RANBP17: variants seen among roughly 807,000 people sequenced by gnomAD.
RANBP17 encodes RAN binding protein 17, also known as ran-binding protein 17.
In RANBP17, 158 loss-of-function variants were observed where a neutral mutation model predicts 141.2. The ratio of observed to expected loss-of-function variants is 1.12; its 90% CI spans 0.98 to 1.28. RANBP17 has a LOEUF of 1.28. Ranked by LOEUF, RANBP17 falls within the 50% of genes most tolerant of loss-of-function variation. The pLI is 0.00. For missense variants in RANBP17, 1,438 were observed against 1,290.7 expected, an observed-to-expected ratio of 1.11 and a Z score of -1.75; for synonymous variants, 430 against 450.0, an observed-to-expected ratio of 0.96 and a Z score of 0.56.
At chr5:171,198,077 A>G (rs1762081443) in intron 18 of RANBP17, among the ~76,000 whole-genome samples, 1 of 152,212 alleles carries the variant, frequency 6.6e-6, no homozygotes, top group Non-Finnish European at 1.5e-5. Flanking sequence ...ATCCAAAGGG[A>G]GAAGGGAGAT....
intron 14 of RANBP17, among the ~76,000 whole-genome samples, chr5:171,012,569 T>G (rs1222647827): frequency 6.6e-6 from 1 of 152,124 alleles, no homozygotes; most frequent in Non-Finnish European, 1.5e-5. Flanking sequence ...GCAAAGTATC[T>G]CTTCATCTTT....
chr5:171,187,798 A>G (rs1003153800), intron 18 of RANBP17, among the ~76,000 whole-genome samples: 5 of 152,178 alleles, frequency 3.3e-5, no homozygotes, highest in African/African-American at 1.2e-4. Flanking sequence ...CCCATTTCTC[A>G]TATTTGAATA....
chr5:170,865,655 T>G (rs1767191495), intron 1 of RANBP17, among the ~76,000 whole-genome samples: 1 of 152,184 alleles, frequency 6.6e-6, no homozygotes, highest in African/African-American at 2.4e-5. Flanking sequence ...GGGAGGACTT[T>G]ATGACAAATT....
chr5:170,975,629 T>C (rs934610557), intron 14 of RANBP17, among the ~76,000 whole-genome samples: 2 of 152,244 alleles, frequency 1.3e-5, no homozygotes, highest in Admixed American at 6.5e-5. Flanking sequence ...TCTAGGTTCT[T>C]TGCCACTTTT....
At chr5:171,273,401 T>G (rs1232803188) in intron 25 of RANBP17, among the ~76,000 whole-genome samples, 1 of 152,130 alleles carries the variant, frequency 6.6e-6, no homozygotes, top group Non-Finnish European at 1.5e-5. Context: ...TGTCACAAAC[T>G]AAGATGCCTG....
intron 14 of RANBP17, among the ~76,000 whole-genome samples, chr5:171,154,235 A>G (rs1758698018): frequency 6.6e-6 from 1 of 151,798 alleles, no homozygotes; most frequent in Admixed American, 6.6e-5. Context: ...ACTACCTGCT[A>G]TTTCCACTGT....
chr5:171,174,751 A>AGTGAGT (rs1554110446), intron 16 of RANBP17, among the ~76,000 whole-genome samples: 16 of 135,622 alleles, frequency 1.2e-4, no homozygotes, highest in Admixed American at 9.8e-4. Context: ...AAATATCTAG[A>AGTGAGT]GTGTGTGTGT....
At chr5:170,933,379 A>AT (rs376853908) in intron 12 of RANBP17, among the ~76,000 whole-genome samples, 4,666 of 151,912 alleles carry the variant, frequency 0.031, 110 homozygotes, top group Non-Finnish European at 0.05. Context: ...GGATTCATTG[A>AT]TTTTTTTGAA....
chr5:171,184,749 A>G (rs1215076457), intron 18 of RANBP17, among the ~76,000 whole-genome samples: 1 of 152,242 alleles, frequency 6.6e-6, no homozygotes, highest in Admixed American at 6.5e-5. Context: ...AAAGTGATAC[A>G]GTAAAGCAAG....
intron 25 of RANBP17, among the ~76,000 whole-genome samples, chr5:171,273,870 TTTTAC>T: frequency 6.6e-6 from 1 of 152,174 alleles, no homozygotes; most frequent in Admixed American, 6.5e-5. Context: ...GTTATTTTGA[TTTTAC>T]TTAATCTGGG....
chr5:171,168,064 A>C (rs1237387245), intron 14 of RANBP17, among the ~76,000 whole-genome samples: 1 of 152,168 alleles, frequency 6.6e-6, no homozygotes, highest in Non-Finnish European at 1.5e-5. Context: ...CACTTGACAC[A>C]TATTGCCCTA....
chr5:171,286,185 T>C (rs897019386), intron 25 of RANBP17, among the ~76,000 whole-genome samples: 6 of 152,162 alleles, frequency 3.9e-5, no homozygotes, highest in African/African-American at 1.4e-4. Flanking sequence ...ATGCTTTTAG[T>C]TGAGATGTGG....
chr5:171,172,695 A>T (rs1425805266), intron 16 of RANBP17, among the ~76,000 whole-genome samples: 1 of 151,892 alleles, frequency 6.6e-6, no homozygotes, highest in Non-Finnish European at 1.5e-5. Flanking sequence ...TATAGCATAT[A>T]TCTATTGTTT....
At chr5:171,215,249 G>A (rs1472647008) in intron 21 of RANBP17, among the ~76,000 whole-genome samples, 1 of 152,004 alleles carries the variant, frequency 6.6e-6, no homozygotes, top group African/African-American at 2.4e-5. Flanking sequence ...CTTTTTTTAT[G>A]GCTGCATAGT....
rs1387663704 is a variant in RANBP17, at chr5:170,955,582, G to GTGTA, written c.1574+1881_1574+1882insGTAT. ...ATATATATATATGCTCAGTCTGTGT[G>GTGTA]TATATATATATATATATATATATAT... On this transcript the variant is annotated intron_variant, in intron 13 of 27. Coordinates refer to ENST00000523189, the MANE Select transcript of RANBP17 (RefSeq NM_022897.5). Among the ~76,000 whole-genome samples, 131 of 41,666 alleles carry GTGTA rather than the reference G, an allele frequency of 3.1e-3. 8 individuals are homozygous for GTGTA. Among genetic ancestry groups the GTGTA allele is most frequent in the African/African-American group, 0.012 (121 of 10,476 alleles). 27.3% of individuals were successfully genotyped at this position (41,666 alleles called of 152,430 possible).
intron 24 of RANBP17, among the ~76,000 whole-genome samples, chr5:171,250,850 A>C (rs2128003628): frequency 6.6e-6 from 1 of 152,328 alleles, no homozygotes; most frequent in Admixed American, 6.5e-5. Flanking sequence ...AAAATGACTA[A>C]ATTTGAAGAG....
chr5:170,889,933 CATG>C (rs1166828320), intron 3 of RANBP17, among the ~76,000 whole-genome samples: 1 of 152,144 alleles, frequency 6.6e-6, no homozygotes, highest in African/African-American at 2.4e-5. Flanking sequence ...AAAAGCATAA[CATG>C]AGAATATTTT....
chr5:171,050,298 C>T (rs1000525128), intron 14 of RANBP17, among the ~76,000 whole-genome samples: 11 of 152,144 alleles, frequency 7.2e-5, no homozygotes, highest in Non-Finnish European at 1.5e-5. Context: ...ACATATTCAA[C>T]TTTTCACAAT....
chr5:170,955,024 CAT>C (rs957283513), intron 13 of RANBP17, among the ~76,000 whole-genome samples: 6 of 152,098 alleles, frequency 3.9e-5, no homozygotes, highest in African/African-American at 1.4e-4. Flanking sequence ...CTAAACTACA[CAT>C]GTGAGGGATC....
Sources: gnomAD v4.1 joint callset for allele counts (sites outside exome capture counted in the v4.1 genomes callset) on GRCh38, gnomAD v4.1.1 for gene constraint, MANE v1.5 for transcripts, NCBI Gene and HGNC (gene_info 2026-07-23, HGNC 2026-07-21) for gene names.